The following ADCY5 variants were observed in gnomAD, a reference collection of about 807,000 sequenced individuals.
ADCY5 encodes adenylate cyclase 5, also known as adenylate cyclase type 5.
A neutral mutation model predicts 119.7 loss-of-function variants in ADCY5; 30 were observed. That is an observed-to-expected ratio of 0.25 (90% confidence interval 0.19 to 0.34). The LOEUF (loss-of-function observed/expected upper bound fraction) is 0.34, where lower values mean the gene tolerates loss of function less well. ADCY5 is among the 10% of genes least tolerant of loss of function. The pLI, the probability that ADCY5 is intolerant of heterozygous loss-of-function variation, is 1.00. For missense variants in ADCY5, 1,324 were observed against 1,775.2 expected (o/e 0.75, Z 4.57); for synonymous variants, 753 against 762.2 (o/e 0.99, Z 0.20).
rs1943780103 is a variant in ADCY5, at chr3:123,375,098, G to A, written c.1135-22517C>T. 2.6e-5 allele frequency among the ~76,000 whole-genome samples: 4 copies of A among 152,214 alleles called. No homozygotes were observed. In the South Asian group the frequency reaches 8.3e-4, roughly 32 times the overall value. On this transcript the variant is annotated intron_variant, in intron 1 of 20. Transcript: ENST00000462833. ...GCCCCTTCACAGGCCCCATCCCCTG[G>A]TGACACCTCCACCCCTGCCCCCAGC... is the stretch of plus-strand genomic sequence containing the variant.
At chr3:123,298,330 C>G (rs1464847055) in intron 15 of ADCY5, among the ~76,000 whole-genome samples, 1 of 152,172 alleles carries the variant, frequency 6.6e-6, no homozygotes, top group Non-Finnish European at 1.5e-5. Context: ...CCATGGTCTC[C>G]CAATCCAGAA....
chr3:123,394,086 T>G (rs1324671728), intron 1 of ADCY5, among the ~76,000 whole-genome samples: 1 of 151,998 alleles, frequency 6.6e-6, no homozygotes, highest in Non-Finnish European at 1.5e-5. Flanking sequence ...GCCAAGATCG[T>G]GCCACTACAC....
At chr3:123,406,122 T>G (rs1184111014) in intron 1 of ADCY5, among the ~76,000 whole-genome samples, 1 of 152,210 alleles carries the variant, frequency 6.6e-6, no homozygotes, top group Non-Finnish European at 1.5e-5. Flanking sequence ...TGGGTTCTTA[T>G]ACTCAAGGCC....
At chr3:123,345,780 A>C (rs1942518756) in intron 3 of ADCY5, among the ~76,000 whole-genome samples, 1 of 151,536 alleles carries the variant, frequency 6.6e-6, no homozygotes, top group African/African-American at 2.4e-5. Context: ...ACACACACAC[A>C]CACACACACA....
intron 1 of ADCY5, among the ~76,000 whole-genome samples, chr3:123,426,406 CT>C (rs1945414732): frequency 6.6e-6 from 1 of 151,676 alleles, no homozygotes; most frequent in Admixed American, 6.6e-5. Flanking sequence ...TCATTGCAAC[CT>C]CCCCCTCCTG....
At chr3:123,331,173 CA>C (rs1426525726) in intron 4 of ADCY5, among the ~76,000 whole-genome samples, 157 bp from the exon 5 acceptor site, 1 of 152,096 alleles carries the variant, frequency 6.6e-6, no homozygotes, top group African/African-American at 2.4e-5. Context: ...GGTCCTGGGA[CA>C]GGCTTATCAG....
At chr3:123,309,492 A>G (rs1158358358) in intron 12 of ADCY5, among the ~76,000 whole-genome samples, 1 of 152,104 alleles carries the variant, frequency 6.6e-6, no homozygotes, top group Non-Finnish European at 1.5e-5. Context: ...AGCAGTAACC[A>G]CTTCCTAACT....
intron 1 of ADCY5, among the ~76,000 whole-genome samples, chr3:123,424,517 T>G (rs1350327280): frequency 6.6e-6 from 1 of 152,154 alleles, no homozygotes; most frequent in Non-Finnish European, 1.5e-5. Flanking sequence ...GAATGCACAG[T>G]CCTCTCACAC....
At chr3:123,422,310 C>G (rs1010621667) in intron 1 of ADCY5, among the ~76,000 whole-genome samples, 3 of 152,162 alleles carry the variant, frequency 2.0e-5, no homozygotes, top group African/African-American at 7.2e-5. Flanking sequence ...GCCAGAGGAG[C>G]TAGTCATTTA....
Position 123,284,311 on chromosome 3 carries a change from A to C in ADCY5, c.*297T>G. 1 of 359,844 alleles carries C rather than the reference A, an allele frequency of 2.8e-6. No homozygotes were observed. The highest frequency in any genetic ancestry group is 5.2e-6 in the Non-Finnish European group (1 of 193,650). The allele number at this position is 359,844 out of a possible 1,614,324, so 22.3% of individuals were successfully genotyped here. A position where few individuals can be genotyped will look rare whatever the true frequency, so the allele number is the denominator to read the frequency against. On this transcript the variant is annotated 3_prime_UTR_variant, in exon 21 of 21. Coordinates refer to ENST00000462833, the MANE Select transcript of ADCY5 (RefSeq NM_183357.3). ...ACACACATTCCCACGGCTCCTTTCC[A>C]CCTGTGCAGCAGCACCTGTTAGAAA... is the stretch of plus-strand genomic sequence containing the variant.
chr3:123,404,962 T>C (rs1048353947), intron 1 of ADCY5, among the ~76,000 whole-genome samples: 2 of 152,252 alleles, frequency 1.3e-5, no homozygotes, highest in South Asian at 2.1e-4. Context: ...TGTGTTTATC[T>C]TGGGGTCTCA....
chr3:123,315,768 T>C (rs1256240765), intron 11 of ADCY5, among the ~76,000 whole-genome samples: 1 of 152,114 alleles, frequency 6.6e-6, no homozygotes, highest in African/African-American at 2.4e-5. Flanking sequence ...GCCCGGCTGA[T>C]TTTTTGCATT....
chr3:123,401,858 C>T (rs965615112), intron 1 of ADCY5, among the ~76,000 whole-genome samples: 6 of 152,118 alleles, frequency 3.9e-5, no homozygotes, highest in Admixed American at 1.3e-4. Context: ...AGAAATATAC[C>T]GAAAGACTCA....
intron 3 of ADCY5, among the ~76,000 whole-genome samples, chr3:123,344,845 A>T (rs940903807): frequency 1.3e-5 from 2 of 152,108 alleles, no homozygotes; most frequent in Non-Finnish European, 2.9e-5. Context: ...ACATTTGCAT[A>T]TGATTGCTTG....
Position 123,303,118 on chromosome 3 carries a change from G to A in ADCY5, c.2661C>T (p.Asn887=), listed in dbSNP as rs368933717. 1.2e-5 allele frequency: 20 copies of A among 1,613,772 alleles called. No individual in the cohort carries two copies. Among genetic ancestry groups the A allele is most frequent in the Non-Finnish European group, 1.6e-5 (19 of 1,180,038 alleles). ...AGCCCTGCTCATCGCCCAGGCTGTA[G>A]TTGACGGCCGACTCCGCCACGTGAC... ...NACHVAESAV[N]YSLGDEQGFC... is the part of the protein sequence containing the mutation. Residue 887 remains asparagine (N), a synonymous_variant, in exon 14 of 21, where the codon AAC becomes AAT. Coordinates refer to ENST00000462833, the MANE Select transcript of ADCY5 (RefSeq NM_183357.3).
chr3:123,378,709 G>A (rs1422703618), intron 1 of ADCY5, among the ~76,000 whole-genome samples: 3 of 152,226 alleles, frequency 2.0e-5, no homozygotes, highest in Non-Finnish European at 2.9e-5. Context: ...TGGAAGGACT[G>A]GCATGGAGGG....
At position 123,388,429 on chromosome 3, in the gene ADCY5, G is replaced by A. The variant is rs191849334; in HGVS notation, c.1135-35848C>T. On this transcript the variant is annotated intron_variant, in intron 1 of 20. Transcript: ENST00000462833. ...AGAGAAGAGAGGCAGTGGAGGAGCC[G>A]GTCTCCGTGAGGACAGTGGGGTGGA... is the stretch of plus-strand genomic sequence containing the variant. 1.2e-3 allele frequency among the ~76,000 whole-genome samples: 189 copies of A among 152,210 alleles called. 1 individual carries two copies. Among genetic ancestry groups the A allele is most frequent in the African/African-American group, 3.5e-3 (145 of 41,542 alleles).
intron 5 of ADCY5, among the ~76,000 whole-genome samples, chr3:123,329,585 A>G (rs1035849469): frequency 1.3e-5 from 2 of 152,154 alleles, no homozygotes; most frequent in African/African-American, 4.8e-5. Flanking sequence ...TGCAGGTGCC[A>G]GGAAGTAGGG....
intron 1 of ADCY5, among the ~76,000 whole-genome samples, chr3:123,389,485 G>A (rs1944338090): frequency 6.8e-6 from 1 of 147,628 alleles, no homozygotes; most frequent in Admixed American, 6.8e-5. Flanking sequence ...TGTACAGGGA[G>A]AGTTTTCGCA....
Sources: allele counts gnomAD v4.1 joint callset (sites outside exome capture counted in the v4.1 genomes callset), GRCh38; gene constraint gnomAD v4.1.1; transcripts MANE v1.5; gene names NCBI Gene and HGNC (gene_info 2026-07-23, HGNC 2026-07-21).